The following FARP2 variants were observed in gnomAD, a reference collection of about 807,000 sequenced individuals.
FARP2 encodes FERM, ARHGEF and pleckstrin domain-containing protein 2.
Under a neutral mutation model 130.5 loss-of-function variants are expected in FARP2, and 111 were observed. The observed-to-expected ratio is 0.85, with a 90% confidence interval of 0.73 to 1.00. FARP2 has a LOEUF of 1.00. FARP2 is among the 50% of genes least tolerant of loss of function. FARP2 has a pLI of 0.00. For missense variants in FARP2, 1,385 were observed against 1,346.3 expected (o/e 1.03, Z -0.45); for synonymous variants, 504 against 516.9 (o/e 0.98, Z 0.34).
At chr2:241,417,454 C>T (rs959316995) in intron 7 of FARP2, among the ~76,000 whole-genome samples, 5 of 152,116 alleles carry the variant, frequency 3.3e-5, no homozygotes, top group African/African-American at 1.2e-4. Flanking sequence ...GGCATGATCT[C>T]AGCTCACTGC....
intron 5 of FARP2, among the ~76,000 whole-genome samples, chr2:241,410,091 G>A (rs1276625766): frequency 6.6e-6 from 1 of 152,202 alleles, no homozygotes; most frequent in Non-Finnish European, 1.5e-5. Context: ...ACAGTACCTA[G>A]AACGTAATTC....
Position 241,457,627 on chromosome 2 carries a change from G to A in FARP2, c.1587+705G>A, listed in dbSNP as rs370906603. 4.7e-4 allele frequency among the ~76,000 whole-genome samples: 39 copies of A among 83,234 alleles called. 1 individual carries two copies. The highest frequency in any genetic ancestry group is 3.6e-3 in the East Asian group (5 of 1,408). 54.6% of individuals were successfully genotyped at this position (83,234 alleles called of 152,430 possible). A position where few individuals can be genotyped will look rare whatever the true frequency, so the allele number is the denominator to read the frequency against. ...CTGGGTGCTAAGGGAGGGTACACTA[G>A]GGACCGCTTTGGGTTCCGGAGAGGC... On this transcript the variant is annotated intron_variant, in intron 14 of 26. Coordinates refer to ENST00000264042, the MANE Select transcript of FARP2 (RefSeq NM_014808.4).
At chr2:241,377,241 G>T (rs1283577956) in intron 2 of FARP2, among the ~76,000 whole-genome samples, 1 of 152,002 alleles carries the variant, frequency 6.6e-6, no homozygotes, top group Non-Finnish European at 1.5e-5. Context: ...CTGACATTGT[G>T]TGGTGCTGTG....
At chr2:241,465,681 A>G (rs758968801) in intron 17 of FARP2, 225 of 1,550,808 alleles carry the variant, frequency 1.5e-4, no homozygotes, top group Non-Finnish European at 1.8e-4. Flanking sequence ...CAGGCTGCTC[A>G]TGAGTTCACC....
intron 11 of FARP2, among the ~76,000 whole-genome samples, chr2:241,436,239 T>C (rs1367443690): frequency 6.6e-6 from 1 of 152,150 alleles, no homozygotes; most frequent in Non-Finnish European, 1.5e-5. Context: ...AAAATTCTTG[T>C]TGTTTCTCCG....
At chr2:241,493,781 G>GAGAC (rs1419990301) in intron 26 of FARP2, 2 of 482,774 alleles carry the variant, frequency 4.1e-6, no homozygotes, top group African/African-American at 3.9e-5. Context: ...ATTTTTAGTA[G>GAGAC]AGACAGGGTT....
intron 23 of FARP2, 57 bp from the exon 24 acceptor site, chr2:241,491,459 T>C (rs558818703): frequency 6.3e-7 from 1 of 1,594,150 alleles, no homozygotes; most frequent in African/African-American, 1.3e-5. Context: ...GGTGGAAGTA[T>C]TTGGCAAGCA....
At chr2:241,471,047 T>A (rs1239140473) in intron 18 of FARP2, among the ~76,000 whole-genome samples, 1 of 151,228 alleles carries the variant, frequency 6.6e-6, no homozygotes, top group Admixed American at 6.6e-5. Flanking sequence ...TGGGGGAACA[T>A]GTTCTGAGGA....
intron 24 of FARP2, 194 bp from the exon 25 acceptor site, chr2:241,492,735 A>C: frequency 1.8e-6 from 1 of 547,994 alleles, no homozygotes. Context: ...GGTGCCTGGA[A>C]TGTCACTCTA....
intron 1 of FARP2, among the ~76,000 whole-genome samples, chr2:241,360,227 A>T (rs546898701): frequency 6.6e-6 from 1 of 152,364 alleles, no homozygotes; most frequent in South Asian, 2.1e-4. Context: ...TGAATGAATT[A>T]ATCAGATTTC....
chr2:241,379,164 A>G (rs987064367), intron 2 of FARP2, among the ~76,000 whole-genome samples: 2 of 152,236 alleles, frequency 1.3e-5, no homozygotes, highest in African/African-American at 4.8e-5. Context: ...AAGTCTTCCC[A>G]GATCTTTAGA....
At chr2:241,360,082 C>T (rs1287849994) in intron 1 of FARP2, among the ~76,000 whole-genome samples, 1 of 152,174 alleles carries the variant, frequency 6.6e-6, no homozygotes, top group Non-Finnish European at 1.5e-5. Context: ...GCACTTAAAT[C>T]ACCATTTAAT....
chr2:241,376,858 C>T (rs2061546718), intron 2 of FARP2, among the ~76,000 whole-genome samples: 1 of 152,202 alleles, frequency 6.6e-6, no homozygotes, highest in South Asian at 2.1e-4. Context: ...CTAGTGCCTG[C>T]TTGCTGTCTC....
chr2:241,362,399 C>G (rs778118669), intron 1 of FARP2, among the ~76,000 whole-genome samples: 2 of 151,848 alleles, frequency 1.3e-5, no homozygotes, highest in Non-Finnish European at 2.9e-5. Context: ...GTCAGGAGAT[C>G]AAGGTCATCC....
chr2:241,363,555 A>T (rs531451112), intron 1 of FARP2, among the ~76,000 whole-genome samples: 2 of 152,270 alleles, frequency 1.3e-5, no homozygotes, highest in African/African-American at 4.8e-5. Flanking sequence ...TATAGGCTCA[A>T]CACTGAGCTA....
At chr2:241,359,008 C>T (rs1383496571) in intron 1 of FARP2, among the ~76,000 whole-genome samples, 1 of 152,176 alleles carries the variant, frequency 6.6e-6, no homozygotes, top group Non-Finnish European at 1.5e-5. Flanking sequence ...TACTCCATAG[C>T]AAGTAAACAT....
rs2064091860 is a variant in FARP2 at position 241,463,758 on chromosome 2, C to T, written c.1812-141C>T. On this transcript the variant is annotated intron_variant, in intron 16 of 26. Transcript: ENST00000264042. ...ATAGCAGCTTCCATCCAGGGCAGGC[C>T]CTGCCCTGCGGCCTCTTCCACCTCA... 3.9e-6 allele frequency: 3 copies of T among 774,548 alleles called. No individual in the cohort carries two copies. The Admixed American group carries it at 6.7e-5, about 17-fold the overall frequency. The allele number at this position is 774,548 out of a possible 1,614,324, so 48.0% of individuals were successfully genotyped here.
chr2:241,484,256 G>A lies in FARP2; in HGVS notation c.2346G>A (p.Leu782=), dbSNP rs2064698025. 6.2e-7 allele frequency: 1 copy of A among 1,614,002 alleles called. No homozygotes were observed. Among genetic ancestry groups the A allele is most frequent in the Non-Finnish European group, 8.5e-7 (1 of 1,179,994 alleles). The change falls in exon 21 of 27, where the codon TTG becomes TTA. Residue 782 remains leucine (L), a synonymous_variant. Transcript: ENST00000264042. ...QRMFFLFSDM[L]LYTSKGVAGT... is the part of the protein sequence containing the mutation. ...CTGCTTCTCAGTTCTCAGATATGTT[G>A]CTGTACACAAGCAAAGGAGTTGCAG...
chr2:241,396,272 G>T (rs1390796694), intron 2 of FARP2, among the ~76,000 whole-genome samples: 1 of 152,128 alleles, frequency 6.6e-6, no homozygotes, highest in Non-Finnish European at 1.5e-5. Flanking sequence ...ACATAGGCAT[G>T]GGCAAGGACT....
Sources: gnomAD v4.1 joint callset for allele counts (sites outside exome capture counted in the v4.1 genomes callset) on GRCh38, gnomAD v4.1.1 for gene constraint, MANE v1.5 for transcripts, NCBI Gene and HGNC (gene_info 2026-07-23, HGNC 2026-07-21) for gene names.